PRRC2C: variants seen among roughly 807,000 people sequenced by gnomAD.
PRRC2C encodes proline rich coiled-coil 2C, also known as protein PRRC2C.
In PRRC2C, 72 loss-of-function variants were observed where a neutral mutation model predicts 317.2. The observed-to-expected ratio is 0.23, with a 90% confidence interval of 0.19 to 0.28. The LOEUF is 0.28. PRRC2C is among the 10% of genes least tolerant of loss of function. The pLI is 1.00. For missense variants in PRRC2C, 3,074 were observed against 3,459.7 expected (o/e 0.89, Z 2.80); for synonymous variants, 1,296 against 1,205.9 (o/e 1.07, Z -1.55).
intron 23 of PRRC2C, among the ~76,000 whole-genome samples, chr1:171,569,844 A>C (rs1684443333): frequency 6.6e-6 from 1 of 151,828 alleles, no homozygotes; most frequent in Non-Finnish European, 1.5e-5. Context: ...CTACCCTCTG[A>C]AAATATGATT....
chr1:171,568,984 G>A lies in PRRC2C; in HGVS notation c.6651+645G>A, dbSNP rs1456497864. ...TAATTCAAGGTTGTGTTAAAAGTCT[G>A]TACAGTTCATCATTTTGCTTAGCTC... is the stretch of plus-strand genomic sequence containing the variant. On this transcript the variant is annotated intron_variant, in intron 23 of 34. Coordinates refer to ENST00000647382, the MANE Select transcript of PRRC2C (RefSeq NM_001387844.1). Among the ~76,000 whole-genome samples the A allele has an allele frequency of 3.3e-5, 5 of 152,260 alleles. No individual in the cohort carries two copies. In the South Asian group the frequency reaches 8.3e-4, roughly 25 times the overall value.
chr1:171,579,443 G>T lies in PRRC2C; in HGVS notation c.7249G>T (p.Gly2417Cys). Reference protein sequence around the residue: ...LAPPSLAQQQGFQPGLSQPTS... With the variant: ...LAPPSLAQQQCFQPGLSQPTS... Reference sequence around the variant, plus strand: ...TCCGCCATCCTTGGCTCAACAACAGGGTTTCCAACCAGGTCTCTCTCAGGT... The same window carrying T: ...TCCGCCATCCTTGGCTCAACAACAGTGTTTCCAACCAGGTCTCTCTCAGGT... Residue 2417 changes from glycine (G) to cysteine (C), a missense_variant, in exon 27 of 35, where the codon GGT becomes TGT. By Grantham distance (159) the Gly-to-Cys change is radical (BLOSUM62 -3). Coordinates refer to ENST00000647382, the MANE Select transcript of PRRC2C (RefSeq NM_001387844.1). The T allele has an allele frequency of 1.2e-6, 2 of 1,613,628 alleles. No individual in the cohort carries two copies. The highest frequency in any genetic ancestry group is 1.7e-6 in the Non-Finnish European group (2 of 1,179,842).
At chr1:171,507,160 C>G (rs74635846) in intron 1 of PRRC2C, among the ~76,000 whole-genome samples, 3 of 152,030 alleles carry the variant, frequency 2.0e-5, no homozygotes, top group African/African-American at 7.2e-5. Context: ...TGGGAAGAAC[C>G]GAGGTGGGAG....
At chr1:171,485,871 G>C (rs898523051) in intron 1 of PRRC2C, 136 bp downstream of exon 1, 1 of 152,274 alleles carries the variant, frequency 6.6e-6, no homozygotes, top group Non-Finnish European at 1.5e-5. Flanking sequence ...AGGGCCTTGG[G>C]TCCGGGCATT....
At chr1:171,488,896 A>C (rs1666606774) in intron 1 of PRRC2C, among the ~76,000 whole-genome samples, 1 of 152,170 alleles carries the variant, frequency 6.6e-6, no homozygotes, top group Non-Finnish European at 1.5e-5. Context: ...CTATGTGCTC[A>C]ACATTAAGGG....
chr1:171,489,158 C>T (rs1233510924), intron 1 of PRRC2C, among the ~76,000 whole-genome samples: 1 of 152,068 alleles, frequency 6.6e-6, no homozygotes, highest in Non-Finnish European at 1.5e-5. Context: ...AGAATAGACC[C>T]ACAAGATTAA....
chr1:171,556,692 A>AC (rs1292504712), intron 18 of PRRC2C, among the ~76,000 whole-genome samples: 3 of 152,156 alleles, frequency 2.0e-5, no homozygotes, highest in Non-Finnish European at 4.4e-5. Context: ...AATATCACGA[A>AC]CCAGTAGATT....
chr1:171,579,380 A>T lies in PRRC2C; in HGVS notation c.7186A>T (p.Thr2396Ser), dbSNP rs1417873164. 6.2e-7 allele frequency: 1 copy of T among 1,613,932 alleles called. No individual in the cohort carries two copies. Among genetic ancestry groups the T allele is most frequent in the Admixed American group, 1.7e-5 (1 of 60,032 alleles). ...TCAAATCCCAGCCTTCTATATGGAC[A>T]CAAGTCATTTATTCAATACCCAACA... Reference protein sequence around the residue: ...AAQIPAFYMDTSHLFNTQHAR... With the variant: ...AAQIPAFYMDSSHLFNTQHAR... Residue 2396 changes from threonine to serine, a missense_variant, in exon 27 of 35, where the codon ACA becomes TCA. Thr to Ser is a moderately conservative substitution (Grantham distance 58). Coordinates refer to ENST00000647382, the MANE Select transcript of PRRC2C (RefSeq NM_001387844.1).
At chr1:171,507,234 A>T (rs1372497975) in intron 1 of PRRC2C, among the ~76,000 whole-genome samples, 11 of 152,188 alleles carry the variant, frequency 7.2e-5, no homozygotes, top group Non-Finnish European at 1.5e-5. Flanking sequence ...ACATAAAAAG[A>T]AGAAAAGATT....
At chr1:171,590,553 G>A (rs938566197) in intron 34 of PRRC2C, among the ~76,000 whole-genome samples, 3 of 152,262 alleles carry the variant, frequency 2.0e-5, no homozygotes, top group South Asian at 2.1e-4. Context: ...ACATGTTTAT[G>A]ATAATCCTAT....
In PRRC2C at chr1:171,535,446, C is replaced by T. The variant is rs1459851190; in HGVS notation, c.1892C>T (p.Thr631Ile). The T allele has an allele frequency of 6.2e-7, 1 of 1,613,254 alleles. No homozygotes were observed. The highest frequency in any genetic ancestry group is 8.5e-7 in the Non-Finnish European group (1 of 1,179,656). ...TGAGCAGAGGAGGAACCCGTTTTCACTAGACAAGACAGCAATCGCAGTGAA... is the reference window on the plus strand; with the variant it reads ...TGAGCAGAGGAGGAACCCGTTTTCATTAGACAAGACAGCAATCGCAGTGAA... ...SCNKEEEPVFTRQDSNRSEKE... is the reference protein window; with the variant it reads ...SCNKEEEPVFIRQDSNRSEKE... The change falls in exon 13 of 35, where the codon ACT (threonine) becomes ATT (isoleucine). Residue 631 changes from threonine (T) to isoleucine (I), a missense_variant. Physicochemically the swap from Thr to Ile is moderately conservative, Grantham distance 89 (BLOSUM62 -1). Transcript: ENST00000647382.
intron 4 of PRRC2C, among the ~76,000 whole-genome samples, chr1:171,515,308 A>G (rs1459718847): frequency 6.6e-6 from 1 of 152,228 alleles, no homozygotes; most frequent in East Asian, 1.9e-4. Context: ...AAGTAAATGA[A>G]GCAATAAATT....
At chr1:171,500,075 AT>A (rs1459469734) in intron 1 of PRRC2C, among the ~76,000 whole-genome samples, 4 of 152,150 alleles carry the variant, frequency 2.6e-5, no homozygotes, top group African/African-American at 9.7e-5. Context: ...GGGACACTGT[AT>A]TTTCCAGGGG....
chr1:171,501,663 C>A (rs1298225513), intron 1 of PRRC2C, among the ~76,000 whole-genome samples: 1 of 152,090 alleles, frequency 6.6e-6, no homozygotes, highest in Admixed American at 6.6e-5. Flanking sequence ...AAAGTACTAA[C>A]ATTGTAAAAG....
At chr1:171,581,620 T>A (rs1173065541) in intron 28 of PRRC2C, among the ~76,000 whole-genome samples, 2 of 152,230 alleles carry the variant, frequency 1.3e-5, no homozygotes, top group Non-Finnish European at 2.9e-5. Flanking sequence ...ATTCCTTGCT[T>A]GTTCCTTAAC....
At chr1:171,585,799 G>A (rs1013519700) in intron 30 of PRRC2C, among the ~76,000 whole-genome samples, 1 of 152,026 alleles carries the variant, frequency 6.6e-6, no homozygotes, top group Non-Finnish European at 1.5e-5. Context: ...ATGGAGATAC[G>A]GTTGAGGGTT....
chr1:171,559,453 G>A (rs923791036), intron 19 of PRRC2C, among the ~76,000 whole-genome samples: 4 of 149,430 alleles, frequency 2.7e-5, no homozygotes, highest in Non-Finnish European at 4.4e-5. Flanking sequence ...CTCTAGAAAT[G>A]GAACAACAAA....
intron 11 of PRRC2C, among the ~76,000 whole-genome samples, chr1:171,531,574 C>T (rs934601139): frequency 6.6e-6 from 1 of 152,216 alleles, no homozygotes; most frequent in Non-Finnish European, 1.5e-5. Flanking sequence ...GATTTCTTCA[C>T]CCTAGTAGCT....
chr1:171,540,459 G>A lies in PRRC2C; in HGVS notation c.2993G>A (p.Arg998Gln), dbSNP rs774993993. ...AAATCAGAAACTCGTTGGGGCCCAC[G>A]ACCAAGCTCTAACAGAAGGGAAGAA... ...KSKSETRWGPRPSSNRREEVN... is the reference protein window; with the variant it reads ...KSKSETRWGPQPSSNRREEVN... The change falls in exon 16 of 35, where the codon CGA becomes CAA. Residue 998 changes from arginine (R) to glutamine (Q), a missense_variant. Transcript: ENST00000647382. 8.7e-6 allele frequency: 14 copies of A among 1,613,034 alleles called. No homozygotes were observed. The highest frequency in any genetic ancestry group is 1.1e-5 in the Non-Finnish European group (13 of 1,179,554).
Sources: gnomAD v4.1 joint callset for allele counts (sites outside exome capture counted in the v4.1 genomes callset) on GRCh38, gnomAD v4.1.1 for gene constraint, MANE v1.5 for transcripts, NCBI Gene and HGNC (gene_info 2026-07-23, HGNC 2026-07-21) for gene names.